The following DENND4C variants were observed in gnomAD, a reference collection of about 807,000 sequenced individuals.
The protein encoded by DENND4C is DENN domain containing 4C.
In DENND4C, 108 loss-of-function variants were observed where a neutral mutation model predicts 203.0. The ratio of observed to expected loss-of-function variants is 0.53; its 90% CI spans 0.46 to 0.62. The LOEUF is 0.62. Among genes scored for constraint, DENND4C ranks in the 20% least tolerant of loss-of-function variants. The pLI is 0.00. For synonymous variants in DENND4C, 871 were observed against 792.4 expected, an observed-to-expected ratio of 1.10 and a Z score of -1.67; for missense variants, 2,481 against 2,301.2, an observed-to-expected ratio of 1.08 and a Z score of -1.60.
intron 27 of DENND4C, 23 bp from the exon 28 acceptor site, chr9:19,357,942 T>A: frequency 6.4e-7 from 1 of 1,550,502 alleles, no homozygotes; most frequent in Non-Finnish European, 8.8e-7. Context: ...GAACATAGCA[T>A]TTCTTCTATA....
intron 5 of DENND4C, among the ~76,000 whole-genome samples, chr9:19,292,096 C>T (rs1836450465): frequency 6.6e-6 from 1 of 152,068 alleles, no homozygotes; most frequent in South Asian, 2.1e-4. Context: ...GCGATCTCGG[C>T]TCACTGCAAC....
intron 15 of DENND4C, among the ~76,000 whole-genome samples, chr9:19,327,739 A>G (rs1818122682): frequency 6.6e-6 from 1 of 152,104 alleles, no homozygotes. Flanking sequence ...TATTGAATAC[A>G]TGGATTATCT....
At chr9:19,322,933 G>A (rs2772401) in intron 12 of DENND4C, among the ~76,000 whole-genome samples, 74,305 of 151,820 alleles carry the variant, frequency 0.49, 19,025 homozygotes, top group African/African-American at 0.66. Flanking sequence ...TTTGAATGCT[G>A]GCAAGGAAAG....
At chr9:19,303,948 A>G (rs1003454930) in intron 9 of DENND4C, among the ~76,000 whole-genome samples, 10 of 151,492 alleles carry the variant, frequency 6.6e-5, no homozygotes, top group African/African-American at 2.4e-4. Context: ...ACTGGCCTCA[A>G]GCAGTCCTCC....
chr9:19,263,502 G>A (rs1483959518), intron 1 of DENND4C, among the ~76,000 whole-genome samples: 2 of 151,120 alleles, frequency 1.3e-5, no homozygotes, highest in Admixed American at 1.3e-4. Context: ...GATTACAGGC[G>A]TGCGCCACCG....
At chr9:19,352,040 A>C in intron 24 of DENND4C, 33 bp from the exon 25 acceptor site, 1 of 1,558,944 alleles carries the variant, frequency 6.4e-7, no homozygotes, top group Non-Finnish European at 8.8e-7. Flanking sequence ...GACATTCCTT[A>C]CTTAAGGTAT....
At chr9:19,245,981 C>G (rs764832580) in intron 1 of DENND4C, among the ~76,000 whole-genome samples, 2 of 150,124 alleles carry the variant, frequency 1.3e-5, no homozygotes, top group Non-Finnish European at 3.0e-5. Flanking sequence ...TTTTTCAGTT[C>G]TCTCACTGGA....
At chr9:19,295,582 G>C (rs1837278309) in intron 5 of DENND4C, among the ~76,000 whole-genome samples, 1 of 150,348 alleles carries the variant, frequency 6.7e-6, no homozygotes, top group South Asian at 2.1e-4. Context: ...GGCTGAAGCA[G>C]TCACTTGAAC....
In DENND4C at chr9:19,336,824, C is replaced by G. The variant is rs1820583385; in HGVS notation, c.2873C>G (p.Ser958Cys). The G allele has an allele frequency of 1.3e-6, 2 of 1,548,878 alleles. No homozygotes were observed. The highest frequency in any genetic ancestry group is 8.7e-7 in the Non-Finnish European group (1 of 1,146,394). Residue 958 changes from serine to cysteine, a missense_variant, in exon 20 of 33, where the codon TCT becomes TGT. Coordinates refer to ENST00000434457, the MANE Select transcript of DENND4C (RefSeq NM_001330640.2). ...LIRLESIDNHSSTGGQSDQGY... is the reference protein window; with the variant it reads ...LIRLESIDNHCSTGGQSDQGY... ...AGGCTTGAGTCCATTGATAATCACT[C>G]TAGCACAGGTACTAAAATCCAGATT... is the stretch of plus-strand genomic sequence containing the variant.
chr9:19,340,664 T>A (rs1821407964), intron 20 of DENND4C, among the ~76,000 whole-genome samples: 1 of 152,196 alleles, frequency 6.6e-6, no homozygotes, highest in South Asian at 2.1e-4. Context: ...CAGATATATG[T>A]GTGTTTTATT....
chr9:19,346,985 C>T lies in DENND4C; in HGVS notation c.4216C>T (p.Pro1406Ser), dbSNP rs1337718771. 2 of 1,614,084 alleles carry T rather than the reference C, an allele frequency of 1.2e-6. No homozygotes were observed. Among genetic ancestry groups the T allele is most frequent in the Admixed American group, 1.7e-5 (1 of 60,012 alleles). ...GLKLDNILSG[P>S]KIDVLKSGMK... The stretch of plus-strand genomic sequence containing the variant: ...AAAGCTGGATAATATACTCTCAGGG[C>T]CCAAGATAGATGTCCTGAAATCTGG... Residue 1406 changes from proline (P) to serine (S), a missense_variant, in exon 23 of 33, where the codon CCC becomes TCC. This residue lies in a region of DENND4C where 2,289 missense variants were observed against 2,113.3 expected (regional missense o/e 1.08). Transcript: ENST00000434457.
At chr9:19,321,572 C>T (rs1842881020) in intron 12 of DENND4C, among the ~76,000 whole-genome samples, 1 of 151,806 alleles carries the variant, frequency 6.6e-6, no homozygotes, top group Non-Finnish European at 1.5e-5. Flanking sequence ...AGGCCAGACG[C>T]AGTGGCTCAC....
intron 2 of DENND4C, among the ~76,000 whole-genome samples, chr9:19,278,757 A>C (rs913002646): frequency 1.3e-5 from 2 of 152,110 alleles, no homozygotes; most frequent in African/African-American, 4.8e-5. Context: ...AAGTCAGTAT[A>C]GTTAGGATGG....
intron 10 of DENND4C, 59 bp downstream of exon 10, chr9:19,305,586 G>T: frequency 6.7e-7 from 1 of 1,501,158 alleles, no homozygotes; most frequent in Admixed American, 1.8e-5. Flanking sequence ...TAGAGTTACA[G>T]TTCTTTGAAA....
rs201208731 is a variant in DENND4C, at chr9:19,296,213, C to G, written c.1007C>G (p.Ser336Cys). The G allele has an allele frequency of 6.5e-5, 105 of 1,613,182 alleles. No homozygotes were observed. The African/African-American group carries it at 1.1e-3, about 17-fold the overall frequency. Residue 336 changes from serine to cysteine, a missense_variant, in exon 6 of 33, where the codon TCT becomes TGT. Around this residue, in one of 3 missense-constraint regions of DENND4C, gnomAD observed 2,289 missense variants for 2,113.3 expected, o/e 1.08. Coordinates refer to ENST00000434457, the MANE Select transcript of DENND4C (RefSeq NM_001330640.2). ...RKFLMFIYKLSVSGPHPLPIE... is the reference protein window; with the variant it reads ...RKFLMFIYKLCVSGPHPLPIE... ...TTTCTTATGTTTATCTACAAACTTT[C>G]TGTGTCTGGACCACATCCTCTTCCC...
At chr9:19,352,415 C>T in intron 25 of DENND4C, 75 bp from the exon 26 acceptor site, 1 of 1,396,306 alleles carries the variant, frequency 7.2e-7, no homozygotes, top group Non-Finnish European at 9.6e-7. Flanking sequence ...AAAAAAATCC[C>T]ATTATCTCAA....
intron 5 of DENND4C, among the ~76,000 whole-genome samples, chr9:19,295,513 A>AG (rs1464115274): frequency 6.6e-6 from 1 of 151,702 alleles, no homozygotes; most frequent in African/African-American, 2.4e-5. Flanking sequence ...TCAAAAAAAA[A>AG]GGAAAAAAAA....
intron 16 of DENND4C, among the ~76,000 whole-genome samples, chr9:19,328,685 A>G (rs549000924): frequency 2.8e-5 from 4 of 145,066 alleles, no homozygotes; most frequent in South Asian, 2.1e-4. Context: ...CTATCTATCT[A>G]TCTATCTATC....
chr9:19,310,977 T>C (rs948777917), intron 10 of DENND4C, among the ~76,000 whole-genome samples: 13 of 152,248 alleles, frequency 8.5e-5, no homozygotes, highest in Admixed American at 8.5e-4. Flanking sequence ...ATAAATGATA[T>C]TGGCCTGATG....
Sources: allele counts gnomAD v4.1 joint callset (sites outside exome capture counted in the v4.1 genomes callset), GRCh38; gene constraint gnomAD v4.1.1; regional missense constraint gnomAD v4.1.1; transcripts MANE v1.5; gene names NCBI Gene and HGNC (gene_info 2026-07-23, HGNC 2026-07-21).